Variants in SDK2 observed in about 807,000 individuals in gnomAD.
SDK2 encodes sidekick cell adhesion molecule 2.
Under a neutral mutation model 253.9 loss-of-function variants are expected in SDK2, and 105 were observed. That is an observed-to-expected ratio of 0.41 (90% confidence interval 0.35 to 0.49). SDK2 has a LOEUF of 0.49. Ranked by LOEUF, SDK2 falls within the 20% of genes least tolerant of loss-of-function variation. The pLI, the probability that SDK2 is intolerant of heterozygous loss-of-function variation, is 0.06. For synonymous variants in SDK2, 1,249 were observed against 1,234.9 expected, an observed-to-expected ratio of 1.01 and a Z score of -0.24; for missense variants, 2,608 against 3,003.0, an observed-to-expected ratio of 0.87 and a Z score of 3.07.
chr17:73,531,061 T>G (rs931092977), intron 1 of SDK2, among the ~76,000 whole-genome samples: 1 of 152,150 alleles, frequency 6.6e-6, no homozygotes, highest in Non-Finnish European at 1.5e-5. Flanking sequence ...CCTCCTGTGG[T>G]TCTGAAATGT....
At chr17:73,452,850 C>T (rs1178268580) in intron 4 of SDK2, among the ~76,000 whole-genome samples, 3 of 152,166 alleles carry the variant, frequency 2.0e-5, no homozygotes, top group Non-Finnish European at 2.9e-5. Context: ...GGCTGGGACT[C>T]GTCTACTTGT....
chr17:73,499,141 A>C (rs2063866076), intron 2 of SDK2, among the ~76,000 whole-genome samples: 1 of 152,106 alleles, frequency 6.6e-6, no homozygotes, highest in Non-Finnish European at 1.5e-5. Flanking sequence ...TCTCTCTTCT[A>C]AGGGGAGGCC....
chr17:73,530,078 A>G (rs2064157556), intron 1 of SDK2, among the ~76,000 whole-genome samples: 1 of 152,190 alleles, frequency 6.6e-6, no homozygotes, highest in African/African-American at 2.4e-5. Context: ...TCGAACCCAT[A>G]CCTGAAGAAT....
intron 1 of SDK2, among the ~76,000 whole-genome samples, chr17:73,514,710 G>A (rs1365067257): frequency 1.3e-5 from 2 of 152,086 alleles, no homozygotes; most frequent in Non-Finnish European, 2.9e-5. Context: ...CTCTTTTTGC[G>A]GCTTCTTCTC....
At chr17:73,393,991 T>C (rs1306157484) in intron 26 of SDK2, among the ~76,000 whole-genome samples, 1 of 152,142 alleles carries the variant, frequency 6.6e-6, no homozygotes, top group African/African-American at 2.4e-5. Flanking sequence ...CCGGGAGAGA[T>C]GGAGCAGCCC....
In SDK2 at chr17:73,435,560, T is replaced by C; in HGVS notation, c.1085A>G (p.Asp362Gly). Residue 362 changes from aspartate to glycine, a missense_variant, in exon 9 of 45, where the codon GAC becomes GGC. Asp to Gly is a moderately conservative substitution (Grantham distance 94, BLOSUM62 -1). Coordinates refer to ENST00000392650, the MANE Select transcript of SDK2 (RefSeq NM_001144952.2). The surrounding 1 kb of genome is among the most constrained non-coding windows in gnomAD (Gnocchi z 5.7). The stretch of plus-strand genomic sequence containing the variant: ...CAGGCCGCTGATCTGCAGGCCCCCG[T>C]CGTTGCGCTGCCGGAAGCGGGTCAA... ...EKLTRFRQRN[D>G]GGLQISGLVP... 1 of 1,590,012 alleles carries C rather than the reference T, an allele frequency of 6.3e-7. No individual in the cohort carries two copies. The highest frequency in any genetic ancestry group is 8.6e-7 in the Non-Finnish European group (1 of 1,168,532).
chr17:73,359,572 G>A (rs2062623846), intron 39 of SDK2, among the ~76,000 whole-genome samples: 1 of 152,208 alleles, frequency 6.6e-6, no homozygotes, highest in South Asian at 2.1e-4. Flanking sequence ...CTTCCAGCGA[G>A]TCCAGCCACT....
intron 2 of SDK2, among the ~76,000 whole-genome samples, chr17:73,490,776 C>T (rs1379989465): frequency 2.0e-5 from 3 of 151,938 alleles, no homozygotes; most frequent in African/African-American, 7.3e-5. Flanking sequence ...TCCACCACCC[C>T]TTGGCCTCCT....
chr17:73,380,906 A>G lies in SDK2; in HGVS notation c.4750T>C (p.Tyr1584His). 1.3e-6 allele frequency: 2 copies of G among 1,563,872 alleles called. No homozygotes were observed. The highest frequency in any genetic ancestry group is 1.9e-5 in the Admixed American group (1 of 53,310). The change falls in exon 34 of 45, where the codon TAC (tyrosine) becomes CAC (histidine). Residue 1584 changes from tyrosine to histidine, a missense_variant. Tyr to His is a moderately conservative substitution (Grantham distance 83). This residue lies in a region of SDK2 where 1,103 missense variants were observed against 1,143.9 expected (regional missense o/e 0.96). Coordinates refer to ENST00000392650, the MANE Select transcript of SDK2 (RefSeq NM_001144952.2). ...RNLSRPSLTQ[Y>H]ELDNLNKHRR... is the part of the protein sequence containing the mutation. The stretch of plus-strand genomic sequence containing the variant: ...CAAGGAGACTTACTGTCCAGCTCGT[A>G]CTGCGTGAGGCTGGGCCGGCTCAGG...
intron 15 of SDK2, among the ~76,000 whole-genome samples, chr17:73,422,052 A>G (rs1220843034): frequency 6.6e-6 from 1 of 152,126 alleles, no homozygotes; most frequent in Non-Finnish European, 1.5e-5. Flanking sequence ...AGTAACTGGG[A>G]TGACTACATT....
In SDK2 at chr17:73,528,746, T is replaced by C. The variant is rs972542298; in HGVS notation, c.65-21149A>G. On this transcript the variant is annotated intron_variant, in intron 1 of 44. Transcript: ENST00000392650. The stretch of plus-strand genomic sequence containing the variant: ...ATCCAGTACAGCAGATCAATCTCTC[T>C]ACGGCTCATCTGCTCCCACTGCATT... 2.6e-5 allele frequency among the ~76,000 whole-genome samples: 4 copies of C among 152,182 alleles called. No homozygotes were observed. In the East Asian group the frequency reaches 7.7e-4, roughly 29 times the overall value.
At chr17:73,569,845 A>T (rs1295923583) in intron 1 of SDK2, among the ~76,000 whole-genome samples, 1 of 151,814 alleles carries the variant, frequency 6.6e-6, no homozygotes, top group Non-Finnish European at 1.5e-5. Flanking sequence ...GTAAGCCTGT[A>T]CCCTTCCTTC....
At chr17:73,401,844 A>G in intron 19 of SDK2, 92 bp from the exon 20 acceptor site, 2 of 1,407,638 alleles carry the variant, frequency 1.4e-6, no homozygotes, top group Non-Finnish European at 2.0e-6. Context: ...ATCTGGGGGT[A>G]TCTCAGCCTG....
At chr17:73,559,111 G>T (rs76091915) in intron 1 of SDK2, among the ~76,000 whole-genome samples, 6,760 of 152,220 alleles carry the variant, frequency 0.044, 234 homozygotes, top group Admixed American at 0.08. Context: ...CCTAAATACT[G>T]ATTTCAACTG....
chr17:73,422,448 G>A lies in SDK2; in HGVS notation c.1898-14C>T. The A allele has an allele frequency of 4.3e-6, 7 of 1,613,184 alleles. No homozygotes were observed. The highest frequency in any genetic ancestry group is 1.1e-5 in the South Asian group (1 of 91,052). On this transcript the variant is annotated splice_polypyrimidine_tract_variant and intron_variant, in intron 14 of 44. Coordinates refer to ENST00000392650, the MANE Select transcript of SDK2 (RefSeq NM_001144952.2). ...TCCAGGGGGCATCTGCAGGGACAGTGAGTGGGGCAGAAGTGGGTATCTTGG... is the reference window on the plus strand; with the variant it reads ...TCCAGGGGGCATCTGCAGGGACAGTAAGTGGGGCAGAAGTGGGTATCTTGG...
chr17:73,570,753 G>A lies in SDK2; in HGVS notation c.65-63156C>T, dbSNP rs1019673321. On this transcript the variant is annotated intron_variant, in intron 1 of 44. Transcript: ENST00000392650. The surrounding 1 kb of genome is among the most constrained non-coding windows in gnomAD (Gnocchi z 4.2). ...CAAAGCCAGGTCAGTCTCTAACACCGGAGCCCTTTGGAGGGGCCCTCTTCT... is the reference window on the plus strand; with the variant it reads ...CAAAGCCAGGTCAGTCTCTAACACCAGAGCCCTTTGGAGGGGCCCTCTTCT... Among the ~76,000 whole-genome samples the A allele has an allele frequency of 4.6e-5, 7 of 152,182 alleles. No individual in the cohort carries two copies. Among genetic ancestry groups the A allele is most frequent in the South Asian group, 4.1e-4 (2 of 4,830 alleles).
intron 1 of SDK2, among the ~76,000 whole-genome samples, chr17:73,640,299 G>A (rs1256947891): frequency 2.0e-5 from 3 of 151,860 alleles, no homozygotes; most frequent in African/African-American, 7.3e-5. Flanking sequence ...TCCGAGGCAG[G>A]TGTCAGGCTG....
rs1396474314 is a variant in SDK2, at chr17:73,337,307, C to T, written c.*1280G>A. ...CTGGGTGCTAGGCTGACTGAGCAAACTCTGGGTATTCCAGCCTCTGGACCA... is the reference window on the plus strand; with the variant it reads ...CTGGGTGCTAGGCTGACTGAGCAAATTCTGGGTATTCCAGCCTCTGGACCA... On this transcript the variant is annotated 3_prime_UTR_variant, in exon 45 of 45. Transcript: ENST00000392650. 6.6e-6 allele frequency: 1 copy of T among 152,306 alleles called. No individual in the cohort carries two copies. The highest frequency in any genetic ancestry group is 1.9e-4 in the East Asian group (1 of 5,198). The allele number at this position is 152,306 out of a possible 1,614,324, so 9.4% of individuals were successfully genotyped here. A position where few individuals can be genotyped will look rare whatever the true frequency, so the allele number is the denominator to read the frequency against.
chr17:73,570,475 C>CCAAAAAT lies in SDK2; in HGVS notation c.65-62885_65-62879dup, dbSNP rs1456693250. 1.3e-5 allele frequency among the ~76,000 whole-genome samples: 2 copies of CCAAAAAT among 152,018 alleles called. No individual in the cohort carries two copies. Among genetic ancestry groups the CCAAAAAT allele is most frequent in the African/African-American group, 4.8e-5 (2 of 41,386 alleles). On this transcript the variant is annotated intron_variant, in intron 1 of 44. Transcript: ENST00000392650. This position sits in a 1 kb window ranked among gnomAD's most constrained non-coding sequence, Gnocchi z 4.2. ...CTTTGCCATTTGCCACTAGATTAGCCCAAAAATCAAAAAGAGGGGGACCCA... is the reference window on the plus strand; with the variant it reads ...CTTTGCCATTTGCCACTAGATTAGCCCAAAAATCAAAAATCAAAAAGAGGGGGACCCA...
Sources: allele counts gnomAD v4.1 joint callset (sites outside exome capture counted in the v4.1 genomes callset), GRCh38; gene constraint gnomAD v4.1.1; regional missense constraint gnomAD v4.1.1; non-coding constraint Gnocchi (gnomAD v3.1); transcripts MANE v1.5; gene names NCBI Gene and HGNC (gene_info 2026-07-23, HGNC 2026-07-21).